ACTR3: variants seen among roughly 807,000 people sequenced by gnomAD.
ACTR3 encodes the protein actin-related protein 3.
Under a neutral mutation model 56.8 loss-of-function variants are expected in ACTR3, and 12 were observed. That is an observed-to-expected ratio of 0.21 (90% CI 0.14 to 0.34). The LOEUF is 0.34. Ranked by LOEUF, ACTR3 falls within the 10% of genes least tolerant of loss-of-function variation. The pLI is 1.00. For synonymous variants in ACTR3, 162 were observed against 167.4 expected (o/e 0.97, Z 0.25); for missense variants, 282 against 512.5 (o/e 0.55, Z 4.34).
At chr2:113,917,737 T>C (rs1446309476) in intron 3 of ACTR3, among the ~76,000 whole-genome samples, 1 of 152,200 alleles carries the variant, frequency 6.6e-6, no homozygotes. Flanking sequence ...CTTTGCCATG[T>C]ATCGTGAGTA....
intron 1 of ACTR3, among the ~76,000 whole-genome samples, chr2:113,903,834 T>C (rs1679145331): frequency 6.6e-6 from 1 of 151,048 alleles, no homozygotes; most frequent in African/African-American, 2.4e-5. Context: ...CTACACTCTC[T>C]TCTCCTTCTG....
chr2:113,929,703 G>C (rs1679684094), intron 4 of ACTR3, among the ~76,000 whole-genome samples: 1 of 151,732 alleles, frequency 6.6e-6, no homozygotes, highest in Non-Finnish European at 1.5e-5. Context: ...TTTTGAGACA[G>C]TCTTGCTCTG....
chr2:113,913,087 A>G (rs1679338160), intron 1 of ACTR3, 85 bp from the exon 2 acceptor site: 1 of 881,870 alleles, frequency 1.1e-6, no homozygotes. Context: ...ATGGAATCTC[A>G]CTTCATAACA....
In ACTR3 at chr2:113,947,523, G is replaced by A. The variant is rs559549924; in HGVS notation, c.859-3956G>A. Among the ~76,000 whole-genome samples, 10 of 152,238 alleles carry A rather than the reference G, an allele frequency of 6.6e-5. No homozygotes were observed. In the East Asian group the frequency reaches 9.7e-4, roughly 15 times the overall value. On this transcript the variant is annotated intron_variant, in intron 8 of 11. Transcript: ENST00000263238. ...ACAAAAAATTAGCCAGGCATGTGGCGTGTGCCTGTAGTTCCAGCTACTTGG... is the reference window on the plus strand; with the variant it reads ...ACAAAAAATTAGCCAGGCATGTGGCATGTGCCTGTAGTTCCAGCTACTTGG...
At chr2:113,926,222 C>T (rs1320381793) in intron 3 of ACTR3, among the ~76,000 whole-genome samples, 1 of 152,192 alleles carries the variant, frequency 6.6e-6, no homozygotes, top group Non-Finnish European at 1.5e-5. Flanking sequence ...ATGCCAGCAA[C>T]TGCTGACAAA....
At chr2:113,925,221 A>G (rs1177027970) in intron 3 of ACTR3, among the ~76,000 whole-genome samples, 2 of 116,760 alleles carry the variant, frequency 1.7e-5, no homozygotes, top group Non-Finnish European at 3.4e-5. Context: ...TTGGAGACAG[A>G]GTCTTACTCT....
chr2:113,901,684 C>T (rs1331697261), intron 1 of ACTR3, among the ~76,000 whole-genome samples: 1 of 152,000 alleles, frequency 6.6e-6, no homozygotes, highest in Non-Finnish European at 1.5e-5. Context: ...GCTCTGGGGT[C>T]TTATATTTAT....
intron 3 of ACTR3, among the ~76,000 whole-genome samples, chr2:113,922,503 G>A (rs576230428): frequency 6.6e-6 from 1 of 152,322 alleles, no homozygotes; most frequent in South Asian, 2.1e-4. Context: ...ATGGATGTGG[G>A]GAGAAGGTGA....
chr2:113,913,122 A>G (rs539560903), intron 1 of ACTR3, 50 bp from the exon 2 acceptor site: 8 of 1,245,606 alleles, frequency 6.4e-6, no homozygotes, highest in Non-Finnish European at 9.1e-6. Context: ...AAAGAAATGT[A>G]TAATTGCTAA....
rs933623921 is a variant in ACTR3, at chr2:113,961,353, G to A, written c.*3898G>A. The A allele has an allele frequency of 3.3e-5, 5 of 151,570 alleles. No homozygotes were observed. Among genetic ancestry groups the A allele is most frequent in the African/African-American group, 1.2e-4 (5 of 41,280 alleles). 9.4% of individuals were successfully genotyped at this position (151,570 alleles called of 1,614,324 possible). A position where few individuals can be genotyped will look rare whatever the true frequency, so the allele number is the denominator to read the frequency against. On this transcript the variant is annotated 3_prime_UTR_variant, in exon 12 of 12. Transcript: ENST00000263238. ...AAGGATTTATTACTAGTGCTCCAGTGGTCACAGGAACAATAAAAAAGGAAC... is the reference window on the plus strand; with the variant it reads ...AAGGATTTATTACTAGTGCTCCAGTAGTCACAGGAACAATAAAAAAGGAAC...
At chr2:113,949,508 T>C (rs908997369) in intron 8 of ACTR3, among the ~76,000 whole-genome samples, 2 of 151,298 alleles carry the variant, frequency 1.3e-5, no homozygotes, top group Admixed American at 6.6e-5. Flanking sequence ...ATGATAAAAA[T>C]GAATGGCTGA....
In ACTR3 at chr2:113,930,800, A is replaced by G. The variant is rs565819263; in HGVS notation, c.337-501A>G. On this transcript the variant is annotated intron_variant, in intron 4 of 11. Coordinates refer to ENST00000263238, the MANE Select transcript of ACTR3 (RefSeq NM_005721.5). ...CTATGCTCTTAACAGGTAAATTAATATAACATTTTTCAGAAAGCTGTACCA... is the reference window on the plus strand; with the variant it reads ...CTATGCTCTTAACAGGTAAATTAATGTAACATTTTTCAGAAAGCTGTACCA... Among the ~76,000 whole-genome samples the G allele has an allele frequency of 1.5e-3, 224 of 152,344 alleles. 1 individual carries two copies. Among genetic ancestry groups the G allele is most frequent in the African/African-American group, 5.1e-3 (213 of 41,590 alleles).
At chr2:113,916,410 A>G (rs1679405827) in intron 2 of ACTR3, among the ~76,000 whole-genome samples, 1 of 152,196 alleles carries the variant, frequency 6.6e-6, no homozygotes, top group Non-Finnish European at 1.5e-5. Context: ...CTAGACCACA[A>G]TAGTAATTAC....
intron 4 of ACTR3, among the ~76,000 whole-genome samples, chr2:113,929,511 C>A (rs1216896265): frequency 6.6e-6 from 1 of 152,160 alleles, no homozygotes; most frequent in Admixed American, 6.6e-5. Context: ...GTTTTCATTT[C>A]TCTTGTCTAA....
chr2:113,898,201 A>AT (rs1325734223), intron 1 of ACTR3, among the ~76,000 whole-genome samples: 1 of 152,018 alleles, frequency 6.6e-6, no homozygotes, highest in African/African-American at 2.4e-5. Context: ...TGCTATAAGC[A>AT]TTTTTAAAAT....
chr2:113,900,751 T>G (rs1445676690), intron 1 of ACTR3, among the ~76,000 whole-genome samples: 2 of 152,166 alleles, frequency 1.3e-5, no homozygotes, highest in Non-Finnish European at 2.9e-5. Flanking sequence ...AGGTTCATGT[T>G]CTCCCCACTA....
chr2:113,957,013 G>A (rs1258948000), intron 11 of ACTR3, among the ~76,000 whole-genome samples: 1 of 152,160 alleles, frequency 6.6e-6, no homozygotes. Flanking sequence ...GGCGAATGCC[G>A]CTTCTTTACA....
At chr2:113,943,784 C>G (rs1213380884) in intron 8 of ACTR3, among the ~76,000 whole-genome samples, 2 of 152,150 alleles carry the variant, frequency 1.3e-5, no homozygotes, top group Non-Finnish European at 2.9e-5. Flanking sequence ...GTGAAATAGA[C>G]AAAGATGAGT....
At chr2:113,924,841 G>A (rs1197994652) in intron 3 of ACTR3, among the ~76,000 whole-genome samples, 2 of 151,834 alleles carry the variant, frequency 1.3e-5, no homozygotes, top group Admixed American at 6.6e-5. Context: ...CCTCCTCAGC[G>A]AAACCTTTTC....
Sources: gnomAD v4.1 joint callset for allele counts (sites outside exome capture counted in the v4.1 genomes callset) on GRCh38, gnomAD v4.1.1 for gene constraint, MANE v1.5 for transcripts, NCBI Gene and HGNC (gene_info 2026-07-23, HGNC 2026-07-21) for gene names.